Variants in MCU observed in about 807,000 individuals in gnomAD.
MCU encodes the protein mitochondrial calcium uniporter, also known as calcium uniporter protein, mitochondrial.
In MCU, 12 loss-of-function variants were observed where a neutral mutation model predicts 45.2. The ratio of observed to expected loss-of-function variants is 0.27; its 90% CI spans 0.17 to 0.43. The LOEUF (loss-of-function observed/expected upper bound fraction) is 0.43, where lower values mean the gene tolerates loss of function less well. MCU is among the 20% of genes least tolerant of loss of function. The probability of loss-of-function intolerance (pLI) is 1.00; values close to 1 mark genes in which losing one functional copy is unlikely to be tolerated. For missense variants in MCU, 324 were observed against 436.7 expected (o/e 0.74, Z 2.30); for synonymous variants, 160 against 165.1 (o/e 0.97, Z 0.24).
intron 2 of MCU, among the ~76,000 whole-genome samples, chr10:72,836,037 C>T (rs1361743390): frequency 1.3e-5 from 2 of 152,056 alleles, no homozygotes; most frequent in Non-Finnish European, 2.9e-5. Context: ...CAAATGGTGA[C>T]TGTCCACATC....
chr10:72,704,402 A>G (rs544104191), intron 1 of MCU, among the ~76,000 whole-genome samples: 35 of 152,246 alleles, frequency 2.3e-4, no homozygotes, highest in African/African-American at 8.2e-4. Flanking sequence ...ACCTTTGCTG[A>G]GTGTTCCTTT....
intron 1 of MCU, among the ~76,000 whole-genome samples, chr10:72,804,052 ATATATATATATATATATATAT>A (rs1844386729): frequency 4.9e-4 from 40 of 82,436 alleles, no homozygotes; most frequent in African/African-American, 1.7e-3. Context: ...ATATATATAT[ATATATATATATATATATATAT>A]AAAATAAGAG....
rs1589500850 is a variant in MCU at position 72,860,534 on chromosome 10, T to C, written c.496+7T>C. On this transcript the variant is annotated splice_region_variant and intron_variant, in intron 4 of 7. Transcript: ENST00000373053. ...GTACGACCACCAAAAAGAGGTAAAA[T>C]AGTAACCTTGGTAAGGTCACAGAAA... is the stretch of plus-strand genomic sequence containing the variant. The C allele has an allele frequency of 1.9e-6, 3 of 1,605,690 alleles. No individual in the cohort carries two copies. Among genetic ancestry groups the C allele is most frequent in the African/African-American group, 1.3e-5 (1 of 74,854 alleles).
At chr10:72,725,839 G>A (rs1039551409) in intron 1 of MCU, among the ~76,000 whole-genome samples, 2 of 151,844 alleles carry the variant, frequency 1.3e-5, no homozygotes, top group African/African-American at 2.4e-5. Context: ...AGCCAAGATT[G>A]CACCATTGCA....
chr10:72,757,027 AAAG>A (rs1261989790), intron 1 of MCU: 4 of 152,188 alleles, frequency 2.6e-5, no homozygotes, highest in Admixed American at 6.5e-5. Flanking sequence ...AAAAAAAAAA[AAAG>A]AAAAGAACCA....
chr10:72,704,346 C>T (rs1400098730), intron 1 of MCU, among the ~76,000 whole-genome samples: 2 of 152,182 alleles, frequency 1.3e-5, no homozygotes, highest in Non-Finnish European at 2.9e-5. Context: ...ATTCAATTCA[C>T]GGTCTGTTTG....
Position 72,741,334 on chromosome 10 carries a change from C to G in MCU, c.150+49033C>G, listed in dbSNP as rs551289707. 2.0e-3 allele frequency among the ~76,000 whole-genome samples: 297 copies of G among 152,236 alleles called. 1 individual carries two copies. The highest frequency in any genetic ancestry group is 9.7e-4 in the East Asian group (5 of 5,166). ...CAGGCCGGTCTCAAACTCCTGACCT[C>G]AGGTGATCCGCCCGCCTTGGCCTTC... On this transcript the variant is annotated intron_variant, in intron 1 of 7. Transcript: ENST00000373053.
chr10:72,835,613 CAG>C (rs1844945526), intron 2 of MCU, among the ~76,000 whole-genome samples: 1 of 152,092 alleles, frequency 6.6e-6, no homozygotes, highest in African/African-American at 2.4e-5. Context: ...AATTTATAGA[CAG>C]TGTGCTCATA....
Position 72,731,075 on chromosome 10 carries a change from A to C in MCU, c.150+38774A>C, listed in dbSNP as rs904789201. The C allele has an allele frequency of 3.3e-5, 5 of 152,378 alleles. No individual in the cohort carries two copies. In the East Asian group the frequency reaches 9.6e-4, roughly 29 times the overall value. The allele number at this position is 152,378 out of a possible 1,614,324, so 9.4% of individuals were successfully genotyped here. A position where few individuals can be genotyped will look rare whatever the true frequency, so the allele number is the denominator to read the frequency against. On this transcript the variant is annotated intron_variant, in intron 1 of 7. Transcript: ENST00000373053. ...AGTGTTGGGATTATAGGCGTGAGCCATCGTACCTGGCCCCAGTTTATATAT... is the reference window on the plus strand; with the variant it reads ...AGTGTTGGGATTATAGGCGTGAGCCCTCGTACCTGGCCCCAGTTTATATAT...
chr10:72,700,945 G>A (rs551630799), intron 1 of MCU, among the ~76,000 whole-genome samples: 12 of 152,304 alleles, frequency 7.9e-5, no homozygotes, highest in African/African-American at 2.9e-4. Flanking sequence ...TTAGGTGTTT[G>A]AGACTGTGTA....
At chr10:72,786,326 G>T (rs779475466) in intron 1 of MCU, among the ~76,000 whole-genome samples, 9 of 152,292 alleles carry the variant, frequency 5.9e-5, no homozygotes, top group Non-Finnish European at 1.0e-4. Flanking sequence ...TTGAGAATCA[G>T]ATATATTTGA....
At chr10:72,810,075 C>T (rs899908673) in intron 1 of MCU, among the ~76,000 whole-genome samples, 20 of 151,886 alleles carry the variant, frequency 1.3e-4, no homozygotes, top group African/African-American at 4.6e-4. Flanking sequence ...TAGTGTAGAA[C>T]TAGACATGTC....
chr10:72,862,918 G>GAA (rs1225961949), intron 4 of MCU, among the ~76,000 whole-genome samples: 1 of 133,320 alleles, frequency 7.5e-6, no homozygotes, highest in African/African-American at 2.7e-5. Context: ...TAAAAAAAAA[G>GAA]AAAAAAAAAA....
intron 1 of MCU, among the ~76,000 whole-genome samples, chr10:72,824,305 T>G (rs899312285): frequency 1.3e-5 from 2 of 151,458 alleles, no homozygotes; most frequent in African/African-American, 4.9e-5. Context: ...CAAGCGATTC[T>G]CTTGCCTCAG....
chr10:72,880,240 G>A (rs1845679742), intron 6 of MCU, among the ~76,000 whole-genome samples: 1 of 152,024 alleles, frequency 6.6e-6, no homozygotes, highest in African/African-American at 2.4e-5. Context: ...TACAAAGATT[G>A]GAAAGAAAGA....
At chr10:72,823,613 G>A (rs974082027) in intron 1 of MCU, among the ~76,000 whole-genome samples, 1 of 152,102 alleles carries the variant, frequency 6.6e-6, no homozygotes, top group Non-Finnish European at 1.5e-5. Flanking sequence ...ATCTTAATGT[G>A]TTCATTATGT....
intron 1 of MCU, among the ~76,000 whole-genome samples, chr10:72,755,583 C>T (rs537729995): frequency 3.3e-5 from 5 of 152,172 alleles, no homozygotes; most frequent in South Asian, 4.1e-4. Context: ...TAGTGCCTTG[C>T]GCATAAATAT....
intron 1 of MCU, among the ~76,000 whole-genome samples, chr10:72,830,719 T>G (rs1332347522): frequency 6.6e-6 from 1 of 152,160 alleles, no homozygotes; most frequent in African/African-American, 2.4e-5. Flanking sequence ...TCAGCACAAC[T>G]AGGGAGATCT....
chr10:72,770,314 T>A (rs1213907327), intron 1 of MCU, among the ~76,000 whole-genome samples: 1 of 152,138 alleles, frequency 6.6e-6, no homozygotes, highest in Non-Finnish European at 1.5e-5. Context: ...CCTCTAATGA[T>A]TTTTTTCCAC....
Sources: gnomAD v4.1 joint callset for allele counts (sites outside exome capture counted in the v4.1 genomes callset) on GRCh38, gnomAD v4.1.1 for gene constraint, MANE v1.5 for transcripts, NCBI Gene and HGNC (gene_info 2026-07-23, HGNC 2026-07-21) for gene names.